The following AFG2A variants were observed in gnomAD, a reference collection of about 807,000 sequenced individuals.
AFG2A encodes the protein AAA ATPase AFG2A.
chr4:123,308,609 T>G, the AFG2A span, among the ~76,000 whole-genome samples: 18 of 152,328 alleles, frequency 1.2e-4, no homozygotes, highest in Admixed American at 9.8e-4. Flanking sequence ...GGATTCATCC[T>G]GAAACCACCC....
the AFG2A span, among the ~76,000 whole-genome samples, chr4:123,208,526 T>C: frequency 4.6e-5 from 7 of 152,236 alleles, no homozygotes; most frequent in Non-Finnish European, 5.9e-5. Context: ...ATATAGCCAC[T>C]GATTTGGATA....
At chr4:123,250,482 C>G in the AFG2A span, among the ~76,000 whole-genome samples, 1 of 152,142 alleles carries the variant, frequency 6.6e-6, no homozygotes, top group African/African-American at 2.4e-5. Context: ...AATTTTTAGT[C>G]TGGAGCACAC....
At chr4:123,201,011 C>A in the AFG2A span, among the ~76,000 whole-genome samples, 2 of 152,164 alleles carry the variant, frequency 1.3e-5, no homozygotes, top group African/African-American at 4.8e-5. Flanking sequence ...AGTGAATTAT[C>A]TTTAATAAAA....
the AFG2A span, among the ~76,000 whole-genome samples, chr4:123,223,553 AT>A: frequency 3.9e-5 from 6 of 152,196 alleles, no homozygotes; most frequent in African/African-American, 7.2e-5. Flanking sequence ...AAGCAGGCAC[AT>A]CTTCATATGG....
the AFG2A span, among the ~76,000 whole-genome samples, chr4:123,270,101 C>T: frequency 4.6e-5 from 7 of 152,196 alleles, no homozygotes; most frequent in Non-Finnish European, 1.0e-4. Flanking sequence ...AGGCGTGAGC[C>T]ACCACACCCA....
At chr4:123,050,434 T>C in the AFG2A span, among the ~76,000 whole-genome samples, 9 of 152,216 alleles carry the variant, frequency 5.9e-5, no homozygotes, top group Non-Finnish European at 1.0e-4. Context: ...GTCATTGCAG[T>C]CTGTCTCTCT....
chr4:123,144,499 G>A, the AFG2A span, among the ~76,000 whole-genome samples: 1 of 152,022 alleles, frequency 6.6e-6, no homozygotes, highest in Admixed American at 6.6e-5. Flanking sequence ...TGCAAGGGAA[G>A]CCAGTAAATA....
chr4:122,992,058 G>A, the AFG2A span, among the ~76,000 whole-genome samples: 155 of 152,198 alleles, frequency 1.0e-3, no homozygotes, highest in African/African-American at 3.3e-3. Context: ...ACACTTTCTA[G>A]TTTAAAACAA....
chr4:123,018,870 T>A, the AFG2A span, among the ~76,000 whole-genome samples: 3 of 151,852 alleles, frequency 2.0e-5, no homozygotes, highest in Non-Finnish European at 4.4e-5. Flanking sequence ...TTAAGCTGAT[T>A]CATATTTATT....
the AFG2A span, among the ~76,000 whole-genome samples, chr4:123,022,946 A>G: frequency 1.3e-4 from 20 of 151,574 alleles, no homozygotes; most frequent in Admixed American, 8.5e-4. Flanking sequence ...CAAAAAACCA[A>G]ACACCGCATG....
the AFG2A span, among the ~76,000 whole-genome samples, chr4:123,278,260 T>C: frequency 6.6e-6 from 1 of 152,214 alleles, no homozygotes; most frequent in Non-Finnish European, 1.5e-5. Flanking sequence ...GAGGTCTTCA[T>C]AGTACTCTCT....
At chr4:123,188,591 A>G in the AFG2A span, among the ~76,000 whole-genome samples, 1 of 152,132 alleles carries the variant, frequency 6.6e-6, no homozygotes, top group Non-Finnish European at 1.5e-5. Context: ...TATTGCTTCA[A>G]ATTTATTTCC....
chr4:122,960,052 C>T, the AFG2A span, among the ~76,000 whole-genome samples: 2 of 152,044 alleles, frequency 1.3e-5, no homozygotes, highest in South Asian at 2.1e-4. Flanking sequence ...TTTGATATGT[C>T]GTGACTTGTC....
the AFG2A span, among the ~76,000 whole-genome samples, chr4:122,935,063 T>C: frequency 6.6e-6 from 1 of 152,170 alleles, no homozygotes. Flanking sequence ...TTCAAATACA[T>C]TAGGTAAAAC....
chr4:123,233,390 G>A, the AFG2A span, among the ~76,000 whole-genome samples: 1 of 151,778 alleles, frequency 6.6e-6, no homozygotes, highest in Admixed American at 6.6e-5. Context: ...CATCTGTTCT[G>A]GTTATATTTT....
chr4:123,246,502 G>A, the AFG2A span, among the ~76,000 whole-genome samples: 4 of 152,108 alleles, frequency 2.6e-5, no homozygotes, highest in Non-Finnish European at 4.4e-5. Flanking sequence ...CATACCATAT[G>A]TAATGTAATT....
chr4:123,182,528 C>A, the AFG2A span, among the ~76,000 whole-genome samples: 1 of 152,148 alleles, frequency 6.6e-6, no homozygotes, highest in African/African-American at 2.4e-5. Flanking sequence ...CTTCCATCTG[C>A]CTAGGTATTA....
the AFG2A span, among the ~76,000 whole-genome samples, chr4:122,946,544 A>G: frequency 1.3e-5 from 2 of 152,100 alleles, no homozygotes; most frequent in African/African-American, 2.4e-5. Context: ...CATAAATTGC[A>G]TTCCAGTTAT....
At chr4:123,099,146 C>CTATT in the AFG2A span, among the ~76,000 whole-genome samples, 1 of 151,914 alleles carries the variant, frequency 6.6e-6, no homozygotes, top group African/African-American at 2.4e-5. Flanking sequence ...TACCTGTTGG[C>CTATT]TATTTGTATG....
Sources: allele counts gnomAD v4.1 joint callset (sites outside exome capture counted in the v4.1 genomes callset), GRCh38; gene constraint gnomAD v4.1.1; transcripts MANE v1.5; gene names NCBI Gene and HGNC (gene_info 2026-07-23, HGNC 2026-07-21).